Variants in KANSL1 observed in about 807,000 individuals in gnomAD.
KANSL1 encodes the protein KAT8 regulatory NSL complex subunit 1, also known as MLL1/MLL complex subunit KANSL1.
In KANSL1, 22 loss-of-function variants were observed where a neutral mutation model predicts 103.6. The ratio of observed to expected loss-of-function variants is 0.21; its 90% CI spans 0.15 to 0.30. The LOEUF (loss-of-function observed/expected upper bound fraction) is 0.30, where lower values mean the gene tolerates loss of function less well. Ranked by LOEUF, KANSL1 falls within the 10% of genes least tolerant of loss-of-function variation. The probability of loss-of-function intolerance (pLI) is 1.00; values close to 1 mark genes in which losing one functional copy is unlikely to be tolerated. For missense variants in KANSL1, 1,337 were observed against 1,399.8 expected (o/e 0.96, Z 0.72); for synonymous variants, 600 against 527.6 (o/e 1.14, Z -1.88).
intron 2 of KANSL1, among the ~76,000 whole-genome samples, chr17:46,139,761 C>T (rs1170405793): frequency 6.6e-6 from 1 of 152,108 alleles, no homozygotes; most frequent in Non-Finnish European, 1.5e-5. Context: ...TCTCCTACAA[C>T]AGCACCCTGA....
chr17:46,125,833 G>A (rs917161512), intron 2 of KANSL1, among the ~76,000 whole-genome samples: 8 of 152,040 alleles, frequency 5.3e-5, no homozygotes, highest in African/African-American at 1.9e-4. Context: ...ACCCCAAAAG[G>A]ACAGAAAGAG....
At chr17:46,068,145 T>C (rs998361433) in intron 4 of KANSL1, among the ~76,000 whole-genome samples, 2 of 147,226 alleles carry the variant, frequency 1.4e-5, no homozygotes, top group Non-Finnish European at 3.1e-5. Flanking sequence ...CAACTAATGA[T>C]CAAGAAGGAT....
chr17:46,119,671 C>T (rs1321308552), intron 2 of KANSL1, among the ~76,000 whole-genome samples: 1 of 152,184 alleles, frequency 6.6e-6, no homozygotes, highest in Non-Finnish European at 1.5e-5. Flanking sequence ...TCCAATCTTT[C>T]ATCTAAAACT....
intron 2 of KANSL1, among the ~76,000 whole-genome samples, chr17:46,164,990 C>T (rs1431705880): frequency 1.3e-5 from 2 of 152,136 alleles, no homozygotes; most frequent in Non-Finnish European, 2.9e-5. Context: ...GCCTGTAGTC[C>T]CAGTTACTCC....
chr17:46,032,973 T>C (rs1598443026), intron 13 of KANSL1, 107 bp downstream of exon 13: 1 of 818,770 alleles, frequency 1.2e-6, no homozygotes, highest in East Asian at 2.7e-5. Flanking sequence ...TAGATGAGTA[T>C]GATGAGCAAC....
intron 7 of KANSL1, chr17:46,045,641 T>C (rs535772812): frequency 2.0e-5 from 3 of 152,330 alleles, no homozygotes; most frequent in African/African-American, 7.2e-5. Flanking sequence ...TTCCCCCTCA[T>C]TGCTGCCTGT....
intron 2 of KANSL1, among the ~76,000 whole-genome samples, chr17:46,119,724 C>T (rs1056559948): frequency 1.3e-5 from 2 of 152,254 alleles, no homozygotes; most frequent in African/African-American, 4.8e-5. Context: ...TTTTCACCTT[C>T]CTGCTCAGGC....
chr17:46,191,453 A>C (rs190093389), intron 1 of KANSL1, among the ~76,000 whole-genome samples: 2 of 152,376 alleles, frequency 1.3e-5, no homozygotes, highest in Non-Finnish European at 2.9e-5. Context: ...GCCTTTGTAA[A>C]TAGTGGTCCT....
chr17:46,138,329 G>A (rs1268951490), intron 2 of KANSL1, among the ~76,000 whole-genome samples: 2 of 152,188 alleles, frequency 1.3e-5, no homozygotes, highest in Admixed American at 6.5e-5. Flanking sequence ...AACAATGTCT[G>A]TACTGAATAT....
intron 2 of KANSL1, among the ~76,000 whole-genome samples, chr17:46,135,695 C>CT (rs35094789): frequency 0.022 from 1,889 of 84,416 alleles, 241 homozygotes; most frequent in East Asian, 0.12. Flanking sequence ...CCATGCCTGG[C>CT]TTTTTTTTTT....
intron 2 of KANSL1, among the ~76,000 whole-genome samples, chr17:46,144,512 C>G (rs1328454692): frequency 6.6e-6 from 1 of 152,116 alleles, no homozygotes; most frequent in Non-Finnish European, 1.5e-5. Flanking sequence ...TAATCATTTA[C>G]AAAAGTAAAA....
intron 1 of KANSL1, among the ~76,000 whole-genome samples, chr17:46,203,128 A>G (rs986531933): frequency 6.6e-6 from 1 of 152,196 alleles, no homozygotes; most frequent in African/African-American, 2.4e-5. Flanking sequence ...GCTACTCGGG[A>G]GGCTGAAGCA....
chr17:46,107,128 TCAGA>T (rs1352559487), intron 2 of KANSL1, among the ~76,000 whole-genome samples: 1 of 152,182 alleles, frequency 6.6e-6, no homozygotes, highest in East Asian at 1.9e-4. Flanking sequence ...AAAGAGCATC[TCAGA>T]CAGGCTCATT....
intron 2 of KANSL1, among the ~76,000 whole-genome samples, chr17:46,154,070 G>A (rs1324082534): frequency 6.6e-6 from 1 of 152,210 alleles, no homozygotes; most frequent in Non-Finnish European, 1.5e-5. Context: ...TTTTGGAGTA[G>A]AGGTTAATGA....
intron 2 of KANSL1, among the ~76,000 whole-genome samples, chr17:46,141,475 A>G (rs1208773734): frequency 6.6e-6 from 1 of 152,248 alleles, no homozygotes; most frequent in African/African-American, 2.4e-5. Context: ...TAAGACAAAT[A>G]AATTCTTCTA....
chr17:46,092,299 T>G (rs375066192), intron 3 of KANSL1, among the ~76,000 whole-genome samples: 1 of 152,238 alleles, frequency 6.6e-6, no homozygotes, highest in Non-Finnish European at 1.5e-5. Flanking sequence ...TTTGATATTT[T>G]GAAAGTTTCT....
At chr17:46,167,595 T>C (rs1372541113) in intron 2 of KANSL1, among the ~76,000 whole-genome samples, 1 of 152,236 alleles carries the variant, frequency 6.6e-6, no homozygotes, top group Non-Finnish European at 1.5e-5. Context: ...ATGTGAAATA[T>C]TTCATGAAAA....
At chr17:46,149,104 G>A (rs2044921255) in intron 2 of KANSL1, among the ~76,000 whole-genome samples, 1 of 150,278 alleles carries the variant, frequency 6.7e-6, no homozygotes, top group Admixed American at 6.7e-5. Context: ...CCGGGTTCAC[G>A]CCATTCTCCT....
chr17:46,178,850 T>C (rs572725402), intron 1 of KANSL1, among the ~76,000 whole-genome samples: 4 of 152,304 alleles, frequency 2.6e-5, no homozygotes, highest in African/African-American at 7.2e-5. Context: ...TTGTGAGAAA[T>C]ACAAGTTGGG....
Sources: gnomAD v4.1 joint callset for allele counts (sites outside exome capture counted in the v4.1 genomes callset) on GRCh38, gnomAD v4.1.1 for gene constraint, MANE v1.5 for transcripts, NCBI Gene and HGNC (gene_info 2026-07-23, HGNC 2026-07-21) for gene names.